THSD7B: variants seen among roughly 807,000 people sequenced by gnomAD.
THSD7B encodes the protein thrombospondin type-1 domain-containing protein 7B.
A neutral mutation model predicts 213.6 loss-of-function variants in THSD7B; 138 were observed. The ratio of observed to expected loss-of-function variants is 0.65; its 90% CI spans 0.56 to 0.74. The LOEUF is 0.74. Ranked by LOEUF, THSD7B falls within the 30% of genes least tolerant of loss-of-function variation. The pLI is 0.00. For synonymous variants in THSD7B, 742 were observed against 687.0 expected (o/e 1.08, Z -1.25); for missense variants, 1,931 against 1,991.5 (o/e 0.97, Z 0.58).
intron 15 of THSD7B, among the ~76,000 whole-genome samples, chr2:137,545,117 T>C (rs1197912595): frequency 2.6e-5 from 4 of 151,850 alleles, no homozygotes; most frequent in African/African-American, 9.7e-5. Context: ...GCTGTATTTT[T>C]GATGAAGAAA....
chr2:137,247,549 T>C (rs897044231), intron 10 of THSD7B, among the ~76,000 whole-genome samples: 1 of 152,110 alleles, frequency 6.6e-6, no homozygotes, highest in Non-Finnish European at 1.5e-5. Context: ...CTAGAAACCA[T>C]GGAGCTAATG....
intron 1 of THSD7B, among the ~76,000 whole-genome samples, chr2:136,831,511 T>C (rs948830570): frequency 1.1e-4 from 16 of 152,204 alleles, no homozygotes; most frequent in African/African-American, 3.9e-4. Flanking sequence ...AGCTAACCTT[T>C]AAGTACACAC....
intron 15 of THSD7B, among the ~76,000 whole-genome samples, chr2:137,455,426 A>G (rs567588495): frequency 6.6e-6 from 1 of 152,278 alleles, no homozygotes; most frequent in African/African-American, 2.4e-5. Context: ...TCCCCATTGC[A>G]ATCTAACACA....
At chr2:137,214,659 A>G (rs1048575201) in intron 7 of THSD7B, among the ~76,000 whole-genome samples, 1 of 142,534 alleles carries the variant, frequency 7.0e-6, no homozygotes, top group African/African-American at 2.7e-5. Context: ...TTCAACTCCC[A>G]CTTACGAGTG....
intron 7 of THSD7B, among the ~76,000 whole-genome samples, chr2:137,209,112 C>T (rs1450104184): frequency 3.3e-5 from 5 of 152,070 alleles, no homozygotes; most frequent in South Asian, 2.1e-4. Context: ...CAGTTTATTC[C>T]CAGGAATGAC....
At chr2:137,510,375 C>T (rs1204393138) in intron 15 of THSD7B, among the ~76,000 whole-genome samples, 1 of 151,894 alleles carries the variant, frequency 6.6e-6, no homozygotes, top group Non-Finnish European at 1.5e-5. Flanking sequence ...TGCACAAGTA[C>T]GGGTCCATTT....
intron 1 of THSD7B, among the ~76,000 whole-genome samples, chr2:136,880,115 C>A (rs1683594191): frequency 6.6e-6 from 1 of 152,148 alleles, no homozygotes; most frequent in Non-Finnish European, 1.5e-5. Flanking sequence ...ACCAAGCAGA[C>A]CTAATAGACA....
intron 1 of THSD7B, among the ~76,000 whole-genome samples, chr2:136,838,162 G>C (rs1444653312): frequency 6.6e-6 from 1 of 152,182 alleles, no homozygotes; most frequent in Non-Finnish European, 1.5e-5. Context: ...CTAATTTTTT[G>C]TGATTAAATC....
At chr2:137,061,879 G>T (rs1687280768) in intron 3 of THSD7B, among the ~76,000 whole-genome samples, 2 of 151,700 alleles carry the variant, frequency 1.3e-5, no homozygotes, top group Admixed American at 1.3e-4. Context: ...CGAATGAATT[G>T]GAAAGTATTT....
chr2:136,886,648 A>G (rs899928273), intron 2 of THSD7B, among the ~76,000 whole-genome samples: 3 of 152,206 alleles, frequency 2.0e-5, no homozygotes, highest in Non-Finnish European at 4.4e-5. Flanking sequence ...ATCAGGCCCA[A>G]AGAATCTCAA....
chr2:137,164,857 A>G (rs1490366653), intron 6 of THSD7B, among the ~76,000 whole-genome samples: 1 of 152,148 alleles, frequency 6.6e-6, no homozygotes, highest in African/African-American at 2.4e-5. Context: ...AGGAAGGGGA[A>G]CATCACACAC....
At position 136,977,219 on chromosome 2, in the gene THSD7B, T is replaced by C. The variant is rs560586949; in HGVS notation, c.140-79201T>C. Among the ~76,000 whole-genome samples, 5 of 152,344 alleles carry C rather than the reference T, an allele frequency of 3.3e-5. No individual in the cohort carries two copies. In the East Asian group the frequency reaches 9.6e-4, roughly 29 times the overall value. On this transcript the variant is annotated intron_variant, in intron 2 of 27. Coordinates refer to ENST00000409968, the MANE Select transcript of THSD7B (RefSeq NM_001316349.2). The stretch of plus-strand genomic sequence containing the variant: ...ATGTGCCCATTCTAGATTTTCTAGT[T>C]TATTTGCATAGAGATGTTTATAGTA...
chr2:137,472,894 T>G (rs1283127996), intron 15 of THSD7B, among the ~76,000 whole-genome samples: 1 of 152,176 alleles, frequency 6.6e-6, no homozygotes, highest in African/African-American at 2.4e-5. Flanking sequence ...CATTGGAAAA[T>G]ATTTGTCCAT....
At chr2:137,475,674 CA>C (rs1444937243) in intron 15 of THSD7B, among the ~76,000 whole-genome samples, 1 of 152,062 alleles carries the variant, frequency 6.6e-6, no homozygotes, top group Non-Finnish European at 1.5e-5. Context: ...GGCTGAATAA[CA>C]TATATGTATT....
chr2:136,865,676 A>G (rs1219501407), intron 1 of THSD7B, among the ~76,000 whole-genome samples: 2 of 152,244 alleles, frequency 1.3e-5, no homozygotes, highest in African/African-American at 4.8e-5. Flanking sequence ...AGAAAGGTTT[A>G]GAAAAACAAT....
chr2:136,998,947 C>CACAT (rs1685950898), intron 2 of THSD7B, among the ~76,000 whole-genome samples: 2 of 150,480 alleles, frequency 1.3e-5, no homozygotes, highest in Non-Finnish European at 3.0e-5. Context: ...CACACACACA[C>CACAT]ACACACACAC....
At chr2:137,451,290 G>A (rs1450029373) in intron 15 of THSD7B, among the ~76,000 whole-genome samples, 1 of 151,502 alleles carries the variant, frequency 6.6e-6, no homozygotes, top group African/African-American at 2.4e-5. Flanking sequence ...ATAATCTTAA[G>A]CTATAATTTT....
chr2:137,651,640 G>A (rs1204364145), intron 21 of THSD7B, among the ~76,000 whole-genome samples: 1 of 151,970 alleles, frequency 6.6e-6, no homozygotes, highest in African/African-American at 2.4e-5. Flanking sequence ...GTACCTTGAA[G>A]TACATCATTA....
intron 1 of THSD7B, among the ~76,000 whole-genome samples, chr2:136,824,583 C>A (rs543839631): frequency 6.6e-6 from 1 of 152,024 alleles, no homozygotes; most frequent in Non-Finnish European, 1.5e-5. Flanking sequence ...ATGTTACTTG[C>A]GAAATATTTT....
Sources: allele counts gnomAD v4.1 joint callset (sites outside exome capture counted in the v4.1 genomes callset), GRCh38; gene constraint gnomAD v4.1.1; transcripts MANE v1.5; gene names NCBI Gene and HGNC (gene_info 2026-07-23, HGNC 2026-07-21).